The following ZNF827 variants were observed in gnomAD, a reference collection of about 807,000 sequenced individuals.
ZNF827 encodes zinc finger protein 827.
Under a neutral mutation model 102.4 loss-of-function variants are expected in ZNF827, and 13 were observed. The ratio of observed to expected loss-of-function variants is 0.13; its 90% confidence interval spans 0.08 to 0.20. The LOEUF (loss-of-function observed/expected upper bound fraction) is 0.20, where lower values mean the gene tolerates loss of function less well. ZNF827 is among the 10% of genes least tolerant of loss of function. The pLI is 1.00. For synonymous variants in ZNF827, 523 were observed against 536.2 expected, an observed-to-expected ratio of 0.98 and a Z score of 0.34; for missense variants, 1,103 against 1,344.4, an observed-to-expected ratio of 0.82 and a Z score of 2.81.
At chr4:145,801,369 A>G (rs1439474345) in intron 8 of ZNF827, among the ~76,000 whole-genome samples, 1 of 152,234 alleles carries the variant, frequency 6.6e-6, no homozygotes, top group Non-Finnish European at 1.5e-5. Context: ...TCAAACATGT[A>G]AGCTTTTAAA....
At chr4:145,794,184 T>C (rs1476323081) in intron 8 of ZNF827, among the ~76,000 whole-genome samples, 1 of 152,224 alleles carries the variant, frequency 6.6e-6, no homozygotes, top group African/African-American at 2.4e-5. Flanking sequence ...TAATGTTGCA[T>C]GAACAAAGAT....
At position 145,902,286 on chromosome 4, in the gene ZNF827, C is replaced by G; in HGVS notation, c.973G>C (p.Glu325Gln). 1 of 1,587,746 alleles carries G rather than the reference C, an allele frequency of 6.3e-7. No homozygotes were observed. The highest frequency in any genetic ancestry group is 8.6e-7 in the Non-Finnish European group (1 of 1,169,402). The change falls in exon 2 of 15, where the codon GAA becomes CAA. Residue 325 changes from glutamate to glutamine, a missense_variant. Around this residue, in one of 5 missense-constraint regions of ZNF827, gnomAD observed 441 missense variants for 458.6 expected, o/e 0.96. Transcript: ENST00000508784. This position sits in a 1 kb window ranked among gnomAD's most constrained non-coding sequence, Gnocchi z 4.3. ...LPPPPSEKKP[E>Q]KVTPPPPPPP... is the part of the protein sequence containing the mutation. The stretch of plus-strand genomic sequence containing the variant: ...GGTGGAGGTGGCGGAGTGACTTTTT[C>G]TGGTTTCTTCTCTGAAGGCGGGGGC...
chr4:145,794,004 G>A (rs926605178), intron 8 of ZNF827, among the ~76,000 whole-genome samples: 2 of 152,148 alleles, frequency 1.3e-5, no homozygotes, highest in African/African-American at 4.8e-5. Context: ...CTCCCCACAT[G>A]CTGAGGTTCA....
chr4:145,890,439 G>A (rs1750504238), intron 3 of ZNF827, among the ~76,000 whole-genome samples: 1 of 152,160 alleles, frequency 6.6e-6, no homozygotes, highest in Admixed American at 6.5e-5. Context: ...GTGTCATCAA[G>A]GCACCCAACT....
rs1456852378 is a variant in ZNF827, at chr4:145,758,779, C to T, written c.*2837G>A. The stretch of plus-strand genomic sequence containing the variant: ...TTGGGAGCTTCCCGCTCCCTGTGGG[C>T]ATCTCCTTAGTGTAAACAGGTTTGC... On this transcript the variant is annotated 3_prime_UTR_variant, in exon 15 of 15. Transcript: ENST00000508784. 1.3e-5 allele frequency: 2 copies of T among 152,192 alleles called. No individual in the cohort carries two copies. The allele number at this position is 152,192 out of a possible 1,614,324, so 9.4% of individuals were successfully genotyped here.
intron 11 of ZNF827, among the ~76,000 whole-genome samples, chr4:145,768,598 T>A (rs1735678519): frequency 6.6e-6 from 1 of 151,718 alleles, no homozygotes; most frequent in African/African-American, 2.4e-5. Context: ...TCGTTTTAGG[T>A]TAGGGGAGAA....
intron 5 of ZNF827, among the ~76,000 whole-genome samples, chr4:145,849,922 C>T (rs763709703): frequency 8.5e-5 from 13 of 152,174 alleles, no homozygotes; most frequent in East Asian, 1.9e-4. Context: ...AGAGAGGACA[C>T]GGTAAGTGTT....
At chr4:145,875,518 G>T (rs1331242905) in intron 4 of ZNF827, among the ~76,000 whole-genome samples, 1 of 152,202 alleles carries the variant, frequency 6.6e-6, no homozygotes, top group Non-Finnish European at 1.5e-5. Context: ...GAAAGGGAAG[G>T]GTGGGTTTTG....
intron 11 of ZNF827, among the ~76,000 whole-genome samples, chr4:145,768,547 CAAT>C (rs1485815765): frequency 1.3e-5 from 2 of 151,888 alleles, no homozygotes; most frequent in African/African-American, 2.4e-5. Flanking sequence ...GTTAAGATGT[CAAT>C]TATCCACAGA....
At chr4:145,909,319 A>G (rs1448106504) in intron 1 of ZNF827, among the ~76,000 whole-genome samples, 3 of 152,180 alleles carry the variant, frequency 2.0e-5, no homozygotes, top group Non-Finnish European at 2.9e-5. Context: ...GCATGAAGCA[A>G]TAAGGGAATT....
intron 3 of ZNF827, 107 bp from the exon 4 acceptor site, chr4:145,886,265 G>T (rs1470264163): frequency 4.8e-6 from 7 of 1,451,332 alleles, no homozygotes; most frequent in Non-Finnish European, 6.3e-6. Context: ...GCAAAGGGCT[G>T]GCCTTTGTAC....
intron 5 of ZNF827, among the ~76,000 whole-genome samples, chr4:145,863,130 T>A (rs1343089119): frequency 6.6e-6 from 1 of 152,104 alleles, no homozygotes; most frequent in Non-Finnish European, 1.5e-5. Flanking sequence ...AGATGGCCAA[T>A]AAGCACATGA....
intron 11 of ZNF827, among the ~76,000 whole-genome samples, chr4:145,767,631 T>C (rs150410503): frequency 1.8e-3 from 272 of 152,310 alleles, no homozygotes; most frequent in African/African-American, 6.3e-3. Context: ...AAAGATATGT[T>C]ATGTGCACAG....
intron 4 of ZNF827, among the ~76,000 whole-genome samples, chr4:145,871,764 T>C (rs975051264): frequency 4.6e-5 from 7 of 152,116 alleles, no homozygotes; most frequent in African/African-American, 1.7e-4. Context: ...CTGTTTTCCA[T>C]CTCATACCCC....
chr4:145,824,601 A>C (rs1743480374), intron 7 of ZNF827, among the ~76,000 whole-genome samples: 1 of 152,190 alleles, frequency 6.6e-6, no homozygotes, highest in Non-Finnish European at 1.5e-5. Flanking sequence ...TGGGAGACAG[A>C]GAGGGAGTGG....
At chr4:145,789,856 T>C (rs901724331) in intron 8 of ZNF827, among the ~76,000 whole-genome samples, 1 of 152,216 alleles carries the variant, frequency 6.6e-6, no homozygotes, top group East Asian at 1.9e-4. Flanking sequence ...TGAGGCAACC[T>C]AAATGCTTCC....
chr4:145,801,284 A>T (rs566174726), intron 8 of ZNF827, among the ~76,000 whole-genome samples: 2 of 152,316 alleles, frequency 1.3e-5, no homozygotes, highest in Non-Finnish European at 2.9e-5. Flanking sequence ...TAGCAGTTGT[A>T]TGTTGCTAGC....
rs1178149114 is a variant in ZNF827, at chr4:145,761,598, C to T, written c.*18G>A. 3.2e-6 allele frequency: 4 copies of T among 1,254,444 alleles called. No individual in the cohort carries two copies. Among genetic ancestry groups the T allele is most frequent in the Non-Finnish European group, 4.1e-6 (4 of 966,602 alleles). The allele number at this position is 1,254,444 out of a possible 1,614,324, so 77.7% of individuals were successfully genotyped here. A position where few individuals can be genotyped will look rare whatever the true frequency, so the allele number is the denominator to read the frequency against. On this transcript the variant is annotated splice_region_variant and 3_prime_UTR_variant, in exon 15 of 15. Coordinates refer to ENST00000508784, the MANE Select transcript of ZNF827 (RefSeq NM_001306215.2). The surrounding 1 kb of genome is among the most constrained non-coding windows in gnomAD (Gnocchi z 6.8). ...TGGTGGAATAAATGCAGAATGGGCA[C>T]CTGCCGGGGAAAGCAACGCAAGGGA... is the stretch of plus-strand genomic sequence containing the variant.
chr4:145,903,330 T>G, intron 1 of ZNF827, 115 bp from the exon 2 acceptor site: 1 of 1,447,190 alleles, frequency 6.9e-7, no homozygotes, highest in Non-Finnish European at 9.1e-7. Flanking sequence ...AAGAACCAAA[T>G]GAAAGGTGGC....
Sources: gnomAD v4.1 joint callset for allele counts (sites outside exome capture counted in the v4.1 genomes callset) on GRCh38, gnomAD v4.1.1 for gene constraint, gnomAD v4.1.1 regional missense constraint, Gnocchi (gnomAD v3.1) non-coding constraint, MANE v1.5 for transcripts, NCBI Gene and HGNC (gene_info 2026-07-23, HGNC 2026-07-21) for gene names.